SLC16A12: variants seen among roughly 807,000 people sequenced by gnomAD.
SLC16A12 encodes solute carrier family 16 member 12, also known as monocarboxylate transporter 12.
SLC16A12 carries 17 observed loss-of-function variants against 42.4 expected under a neutral mutation model. That is an observed-to-expected ratio of 0.40 (90% CI 0.27 to 0.60). The LOEUF (loss-of-function observed/expected upper bound fraction) is 0.60. Among genes scored for constraint, SLC16A12 ranks in the 20% least tolerant of loss-of-function variants. SLC16A12 has a pLI of 0.42. For synonymous variants in SLC16A12, 224 were observed against 229.4 expected (o/e 0.98, Z 0.21); for missense variants, 544 against 623.0 (o/e 0.87, Z 1.35).
chr10:89,443,082 T>A (rs1348312204), intron 4 of SLC16A12, among the ~76,000 whole-genome samples: 1 of 152,218 alleles, frequency 6.6e-6, no homozygotes, highest in Non-Finnish European at 1.5e-5. Flanking sequence ...ACAGATGGAA[T>A]GTTAATTCCA....
intron 7 of SLC16A12, among the ~76,000 whole-genome samples, chr10:89,434,070 C>G (rs1841737267): frequency 6.6e-6 from 1 of 152,130 alleles, no homozygotes; most frequent in Admixed American, 6.5e-5. Context: ...AGAAAACCCA[C>G]CAGAGAAGTA....
At chr10:89,474,799 C>T (rs77831376) in intron 2 of SLC16A12, among the ~76,000 whole-genome samples, 3,458 of 152,232 alleles carry the variant, frequency 0.023, 95 homozygotes, top group African/African-American at 0.045. Flanking sequence ...ATATGTTATT[C>T]CATGTTATCT....
Position 89,524,374 on chromosome 10 carries a change from C to T in SLC16A12, c.-47+10127G>A, listed in dbSNP as rs146925112. On this transcript the variant is annotated intron_variant, in intron 2 of 7. Coordinates refer to ENST00000371790, the MANE Select transcript of SLC16A12 (RefSeq NM_213606.4). ...GTACCAGACCCTGATGCTCTCGCTCCTGCCTGCTCCTCTAGCCTTCTCCAG... is the reference window on the plus strand; with the variant it reads ...GTACCAGACCCTGATGCTCTCGCTCTTGCCTGCTCCTCTAGCCTTCTCCAG... 6.8e-4 allele frequency among the ~76,000 whole-genome samples: 103 copies of T among 152,332 alleles called. 2 individuals are homozygous for T. The highest frequency in any genetic ancestry group is 1.2e-3 in the Admixed American group (19 of 15,306).
chr10:89,495,181 C>T (rs190673456), intron 2 of SLC16A12, among the ~76,000 whole-genome samples: 9 of 152,056 alleles, frequency 5.9e-5, no homozygotes, highest in East Asian at 3.9e-4. Flanking sequence ...AGTGAAACCC[C>T]GTCTCTACTA....
intron 3 of SLC16A12, among the ~76,000 whole-genome samples, chr10:89,459,727 G>A (rs1842264242): frequency 6.6e-6 from 1 of 152,118 alleles, no homozygotes; most frequent in Non-Finnish European, 1.5e-5. Context: ...ATCACCTGAG[G>A]TCAGGAGTTT....
intron 2 of SLC16A12, among the ~76,000 whole-genome samples, chr10:89,474,788 TA>T (rs1842551255): frequency 1.3e-5 from 2 of 152,204 alleles, no homozygotes; most frequent in African/African-American, 2.4e-5. Flanking sequence ...CACTGCTACA[TA>T]TATGTTATTC....
chr10:89,531,721 G>A (rs1296027895), intron 2 of SLC16A12, among the ~76,000 whole-genome samples: 5 of 152,178 alleles, frequency 3.3e-5, no homozygotes, highest in Non-Finnish European at 5.9e-5. Flanking sequence ...GTTCCCAAGA[G>A]GAAGTTCTCT....
In SLC16A12 at chr10:89,455,768, C is replaced by A. The variant is rs188426677; in HGVS notation, c.200+6611G>T. On this transcript the variant is annotated intron_variant, in intron 3 of 7. Coordinates refer to ENST00000371790, the MANE Select transcript of SLC16A12 (RefSeq NM_213606.4). ...GATCCCTGGTTCTCACCCTAGGTAA[C>A]TGAGGTTTTTGATAAAGCTTCTTAA... Among the ~76,000 whole-genome samples the A allele has an allele frequency of 4.8e-3, 727 of 152,278 alleles. 1 individual carries two copies. The highest frequency in any genetic ancestry group is 0.017 in the African/African-American group (688 of 41,558).
At chr10:89,541,828 A>G (rs1247692487) in intron 2 of SLC16A12, among the ~76,000 whole-genome samples, 2 of 152,114 alleles carry the variant, frequency 1.3e-5, no homozygotes, top group Non-Finnish European at 2.9e-5. Flanking sequence ...AAATATTTCC[A>G]CTAGGTTAGG....
chr10:89,554,043 A>AAG (rs1564607081), intron 2 of SLC16A12, among the ~76,000 whole-genome samples: 1 of 49,066 alleles, frequency 2.0e-5, no homozygotes, highest in African/African-American at 8.9e-5. Context: ...GAAGAAAGAA[A>AAG]GAAAGAAAGA....
chr10:89,529,322 A>C (rs1356406479), intron 2 of SLC16A12, among the ~76,000 whole-genome samples: 1 of 152,150 alleles, frequency 6.6e-6, no homozygotes, highest in African/African-American at 2.4e-5. Context: ...TAATATGTCA[A>C]ATAAACCACA....
chr10:89,439,360 G>A (rs1841864510), intron 5 of SLC16A12, among the ~76,000 whole-genome samples, 177 bp from the exon 6 acceptor site: 1 of 152,184 alleles, frequency 6.6e-6, no homozygotes, highest in South Asian at 2.1e-4. Context: ...TTTGGAAAAT[G>A]TAGAATATAT....
rs189028497 is a variant in SLC16A12 at position 89,531,120 on chromosome 10, C to T, written c.-47+3381G>A. Among the ~76,000 whole-genome samples the T allele has an allele frequency of 6.6e-4, 100 of 152,026 alleles. 1 individual carries two copies. In the Middle Eastern group the frequency reaches 0.01, roughly 16 times the overall value. On this transcript the variant is annotated intron_variant, in intron 2 of 7. Coordinates refer to ENST00000371790, the MANE Select transcript of SLC16A12 (RefSeq NM_213606.4). ...GTTTAGGCAATATTTCATTAAATCACAAAATTACAATAGCATCCTGGCACT... is the reference window on the plus strand; with the variant it reads ...GTTTAGGCAATATTTCATTAAATCATAAAATTACAATAGCATCCTGGCACT...
At chr10:89,553,249 T>C (rs1843782567) in intron 2 of SLC16A12, among the ~76,000 whole-genome samples, 1 of 152,248 alleles carries the variant, frequency 6.6e-6, no homozygotes, top group Admixed American at 6.5e-5. Flanking sequence ...TGTTTTCCAG[T>C]AGACTGTTGT....
At chr10:89,450,263 T>C (rs1842072364) in intron 3 of SLC16A12, among the ~76,000 whole-genome samples, 1 of 152,246 alleles carries the variant, frequency 6.6e-6, no homozygotes, top group South Asian at 2.1e-4. Context: ...TTACTGGGTA[T>C]ATACCCAAAG....
At chr10:89,485,509 C>T (rs1172345886) in intron 2 of SLC16A12, among the ~76,000 whole-genome samples, 1 of 152,158 alleles carries the variant, frequency 6.6e-6, no homozygotes, top group African/African-American at 2.4e-5. Flanking sequence ...ACTTACCATT[C>T]CACAAAAGTT....
intron 2 of SLC16A12, among the ~76,000 whole-genome samples, chr10:89,517,108 C>T (rs1843266040): frequency 6.6e-6 from 1 of 151,984 alleles, no homozygotes. Context: ...GCCTGTAATC[C>T]CACCTACTTA....
intron 2 of SLC16A12, among the ~76,000 whole-genome samples, chr10:89,547,158 A>C (rs144421742): frequency 4.3e-4 from 66 of 152,270 alleles, no homozygotes; most frequent in Middle Eastern, 3.4e-3. Context: ...TTTTTTTTAG[A>C]AGAATGAATT....
chr10:89,514,411 T>G (rs933666258), intron 2 of SLC16A12, among the ~76,000 whole-genome samples: 1 of 152,158 alleles, frequency 6.6e-6, no homozygotes, highest in Non-Finnish European at 1.5e-5. Flanking sequence ...GCTTAAGCAA[T>G]AGACATTTTT....
Sources: allele counts gnomAD v4.1 joint callset (sites outside exome capture counted in the v4.1 genomes callset), GRCh38; gene constraint gnomAD v4.1.1; transcripts MANE v1.5; gene names NCBI Gene and HGNC (gene_info 2026-07-23, HGNC 2026-07-21).